The following MRPL48 variants were observed in gnomAD, a reference collection of about 807,000 sequenced individuals.
The protein encoded by MRPL48 is large ribosomal subunit protein mL48.
A neutral mutation model predicts 32.9 loss-of-function variants in MRPL48; 16 were observed. That is an observed-to-expected ratio of 0.49 (90% confidence interval 0.33 to 0.74). The LOEUF (loss-of-function observed/expected upper bound fraction) is 0.74, where lower values mean the gene tolerates loss of function less well. Ranked by LOEUF, MRPL48 falls within the 30% of genes least tolerant of loss-of-function variation. The probability of loss-of-function intolerance (pLI) is 0.02; values close to 1 mark genes in which losing one functional copy is unlikely to be tolerated. For missense variants in MRPL48, 206 were observed against 245.3 expected (o/e 0.84, Z 1.07); for synonymous variants, 94 against 89.2 (o/e 1.05, Z -0.31).
chr11:73,804,469 A>G (rs1947415442), intron 1 of MRPL48, among the ~76,000 whole-genome samples: 1 of 151,122 alleles, frequency 6.6e-6, no homozygotes, highest in South Asian at 2.1e-4. Context: ...TAGAGACAAT[A>G]CCATGTTGGT....
chr11:73,799,411 C>T (rs890521825), intron 1 of MRPL48, among the ~76,000 whole-genome samples: 1 of 152,146 alleles, frequency 6.6e-6, no homozygotes. Flanking sequence ...AAAATAAGAG[C>T]TGTCATGTAA....
At chr11:73,851,194 C>T in intron 5 of MRPL48, 1 of 437,588 alleles carries the variant, frequency 2.3e-6, no homozygotes. Flanking sequence ...CACACCGCCA[C>T]TGGGTGCCGC....
chr11:73,856,431 C>G (rs1294534320), intron 5 of MRPL48, among the ~76,000 whole-genome samples: 3 of 152,176 alleles, frequency 2.0e-5, no homozygotes, highest in Non-Finnish European at 4.4e-5. Flanking sequence ...GTGGTTTGCA[C>G]TGCTGCAGCT....
At chr11:73,859,037 C>T (rs1948536218) in intron 5 of MRPL48, among the ~76,000 whole-genome samples, 1 of 152,168 alleles carries the variant, frequency 6.6e-6, no homozygotes, top group Non-Finnish European at 1.5e-5. Flanking sequence ...GTAGTTTTGA[C>T]TGTGACCACT....
At chr11:73,815,363 G>C (rs1203597188) in intron 3 of MRPL48, among the ~76,000 whole-genome samples, 1 of 151,944 alleles carries the variant, frequency 6.6e-6, no homozygotes, top group Admixed American at 6.6e-5. Context: ...GCGGTGAGCC[G>C]AGACCACGCC....
intron 5 of MRPL48, among the ~76,000 whole-genome samples, chr11:73,846,608 C>T (rs1327978381): frequency 6.6e-6 from 1 of 152,074 alleles, no homozygotes; most frequent in Non-Finnish European, 1.5e-5. Flanking sequence ...GATCACCTGC[C>T]TCAGCCTCCC....
chr11:73,859,987 C>A lies in MRPL48; in HGVS notation c.452C>A (p.Thr151Asn), dbSNP rs1464143267. ...GSKMLLDSVLTTHERVVQISG... is the reference protein window; with the variant it reads ...GSKMLLDSVLNTHERVVQISG... ...AAAATGCTCCTGGACTCAGTGCTTA[C>A]CACCCATGAGCGAGTGGTTCAGGTA... The change falls in exon 6 of 8, where the codon ACC (threonine) becomes AAC (asparagine). Residue 151 changes from threonine (T) to asparagine (N), a missense_variant. Coordinates refer to ENST00000310614, the MANE Select transcript of MRPL48 (RefSeq NM_016055.6). The A allele has an allele frequency of 2.5e-6, 4 of 1,613,582 alleles. No homozygotes were observed. Among genetic ancestry groups the A allele is most frequent in the Non-Finnish European group, 3.4e-6 (4 of 1,179,820 alleles).
chr11:73,811,703 A>G (rs1449407599), intron 3 of MRPL48, among the ~76,000 whole-genome samples: 1 of 152,174 alleles, frequency 6.6e-6, no homozygotes, highest in Non-Finnish European at 1.5e-5. Flanking sequence ...TATTCTGAGG[A>G]AAGTCTTTTA....
At chr11:73,792,854 G>C (rs1382240779) in intron 1 of MRPL48, among the ~76,000 whole-genome samples, 1 of 152,160 alleles carries the variant, frequency 6.6e-6, no homozygotes, top group Non-Finnish European at 1.5e-5. Context: ...AATGCAACTT[G>C]TACTTGTTAG....
chr11:73,788,361 T>C (rs995576187), intron 1 of MRPL48, among the ~76,000 whole-genome samples: 1 of 152,088 alleles, frequency 6.6e-6, no homozygotes, highest in Non-Finnish European at 1.5e-5. Context: ...GTTATCAACT[T>C]CCAGAATTTT....
At chr11:73,842,117 A>G (rs1295696854) in intron 4 of MRPL48, 1 of 151,992 alleles carries the variant, frequency 6.6e-6, no homozygotes, top group Non-Finnish European at 1.5e-5. Flanking sequence ...CGGCTGGCTA[A>G]TTTTTATGTT....
intron 6 of MRPL48, among the ~76,000 whole-genome samples, chr11:73,861,992 A>G (rs1273879640): frequency 6.6e-6 from 1 of 152,120 alleles, no homozygotes; most frequent in Non-Finnish European, 1.5e-5. Context: ...AGCTGAGTTG[A>G]ATCAAAAGGC....
At chr11:73,863,963 T>C (rs554258157) in intron 7 of MRPL48, among the ~76,000 whole-genome samples, 41 of 152,144 alleles carry the variant, frequency 2.7e-4, no homozygotes, top group Non-Finnish European at 3.7e-4. Context: ...CCAATCCCTG[T>C]TTGTTTTATT....
chr11:73,796,044 G>A (rs1424887799), intron 1 of MRPL48, among the ~76,000 whole-genome samples: 2 of 152,200 alleles, frequency 1.3e-5, no homozygotes, highest in Non-Finnish European at 2.9e-5. Flanking sequence ...CATCTGGATT[G>A]GCCGCTGCCA....
intron 5 of MRPL48, 107 bp downstream of exon 5, chr11:73,845,083 CTT>C (rs2135054816): frequency 2.6e-6 from 3 of 1,139,644 alleles, no homozygotes; most frequent in East Asian, 2.5e-5. Context: ...AAAATTAACT[CTT>C]TTTAGTTATA....
At chr11:73,862,838 G>A (rs755999673) in intron 6 of MRPL48, among the ~76,000 whole-genome samples, 3 of 152,108 alleles carry the variant, frequency 2.0e-5, no homozygotes, top group Non-Finnish European at 4.4e-5. Flanking sequence ...AGGACCACTT[G>A]AACCCAGGAG....
At chr11:73,824,430 G>C (rs1376871616) in intron 3 of MRPL48, among the ~76,000 whole-genome samples, 1 of 151,832 alleles carries the variant, frequency 6.6e-6, no homozygotes. Flanking sequence ...ACTGAAAATA[G>C]AAAAATTAGC....
At chr11:73,797,882 G>A (rs1947287707) in intron 1 of MRPL48, among the ~76,000 whole-genome samples, 1 of 152,180 alleles carries the variant, frequency 6.6e-6, no homozygotes, top group African/African-American at 2.4e-5. Flanking sequence ...GTAACAATAT[G>A]TGAGGCCAGC....
chr11:73,794,763 G>A (rs1296667364), intron 1 of MRPL48, among the ~76,000 whole-genome samples: 1 of 84,606 alleles, frequency 1.2e-5, no homozygotes, highest in Non-Finnish European at 2.4e-5. Context: ...TTTTTTTTTT[G>A]AGTTGGAGTC....
Sources: allele counts gnomAD v4.1 joint callset (sites outside exome capture counted in the v4.1 genomes callset), GRCh38; gene constraint gnomAD v4.1.1; transcripts MANE v1.5; gene names NCBI Gene and HGNC (gene_info 2026-07-23, HGNC 2026-07-21).